The following PLEKHH2 variants were observed in gnomAD, a reference collection of about 807,000 sequenced individuals.
PLEKHH2 encodes the protein pleckstrin homology domain-containing family H member 2.
PLEKHH2 carries 129 observed loss-of-function variants against 187.9 expected under a neutral mutation model. That is an observed-to-expected ratio of 0.69 (90% CI 0.59 to 0.79). The LOEUF is 0.79. Among genes scored for constraint, PLEKHH2 ranks in the 30% least tolerant of loss-of-function variants. The pLI is 0.00. For synonymous variants in PLEKHH2, 686 were observed against 605.6 expected (o/e 1.13, Z -1.95); for missense variants, 2,076 against 1,751.2 (o/e 1.19, Z -3.31).
chr2:43,763,456 G>T (rs1378314959), intron 28 of PLEKHH2, among the ~76,000 whole-genome samples: 1 of 151,542 alleles, frequency 6.6e-6, no homozygotes, highest in African/African-American at 2.4e-5. Flanking sequence ...GTCTTATTCT[G>T]TCGCCCAGAC....
intron 26 of PLEKHH2, among the ~76,000 whole-genome samples, 172 bp downstream of exon 26, chr2:43,757,436 T>C (rs1277505081): frequency 6.6e-6 from 1 of 151,334 alleles, no homozygotes; most frequent in Admixed American, 6.6e-5. Flanking sequence ...TTTTTTTTTT[T>C]TGAGACGGAG....
chr2:43,659,493 T>C (rs1206496304), intron 2 of PLEKHH2, among the ~76,000 whole-genome samples: 1 of 152,150 alleles, frequency 6.6e-6, no homozygotes, highest in Non-Finnish European at 1.5e-5. Context: ...CAGACTAAAT[T>C]GGTCTTTTGA....
intron 28 of PLEKHH2, among the ~76,000 whole-genome samples, chr2:43,763,733 A>G (rs1327276455): frequency 6.6e-6 from 1 of 152,154 alleles, no homozygotes; most frequent in Non-Finnish European, 1.5e-5. Context: ...CACATTAGAA[A>G]AAAATATTTG....
chr2:43,697,795 A>T, intron 7 of PLEKHH2, among the ~76,000 whole-genome samples: 1 of 152,198 alleles, frequency 6.6e-6, no homozygotes, highest in East Asian at 1.9e-4. Flanking sequence ...GAAATTAAAC[A>T]TTGGCATAGC....
chr2:43,751,905 G>A (rs1440951496), intron 24 of PLEKHH2, among the ~76,000 whole-genome samples: 2 of 150,124 alleles, frequency 1.3e-5, no homozygotes, highest in Admixed American at 6.6e-5. Context: ...TTCATGTCCA[G>A]TATTGTTTCT....
intron 18 of PLEKHH2, 56 bp downstream of exon 18, chr2:43,729,801 C>A: frequency 1.6e-6 from 2 of 1,249,254 alleles, no homozygotes; most frequent in South Asian, 1.6e-5. Context: ...GACCTCAACC[C>A]GCTTAGCCTA....
At chr2:43,641,164 A>T (rs1665895780) in intron 1 of PLEKHH2, among the ~76,000 whole-genome samples, 1 of 152,010 alleles carries the variant, frequency 6.6e-6, no homozygotes, top group South Asian at 2.1e-4. Context: ...TATTCTAGAC[A>T]CAAATCCCTG....
intron 2 of PLEKHH2, among the ~76,000 whole-genome samples, chr2:43,660,739 G>A (rs1273213675): frequency 8.4e-6 from 1 of 118,654 alleles, no homozygotes; most frequent in African/African-American, 3.5e-5. Flanking sequence ...TTGTTCTTGC[G>A]ATAGTTTACT....
At chr2:43,686,056 C>G (rs191477067) in intron 3 of PLEKHH2, among the ~76,000 whole-genome samples, 2 of 152,322 alleles carry the variant, frequency 1.3e-5, no homozygotes, top group East Asian at 3.9e-4. Flanking sequence ...AAAGTTGCCT[C>G]TGACCATTCT....
At chr2:43,689,104 G>C (rs1386944590) in intron 3 of PLEKHH2, among the ~76,000 whole-genome samples, 2 of 152,230 alleles carry the variant, frequency 1.3e-5, no homozygotes, top group East Asian at 3.8e-4. Context: ...AGCCTTAACA[G>C]TCAAGATATT....
At chr2:43,750,467 C>T (rs7578351) in intron 24 of PLEKHH2, among the ~76,000 whole-genome samples, 28,450 of 148,074 alleles carry the variant, frequency 0.19, 2,973 homozygotes, top group Middle Eastern at 0.3. Flanking sequence ...GGTGACAGAG[C>T]GAGACTCTGT....
intron 3 of PLEKHH2, among the ~76,000 whole-genome samples, chr2:43,688,362 C>G (rs933863446): frequency 6.6e-6 from 1 of 152,202 alleles, no homozygotes; most frequent in Non-Finnish European, 1.5e-5. Context: ...ATACTCTAAA[C>G]AATTTCTTTT....
rs753076839 is a variant in PLEKHH2 at position 43,754,195 on chromosome 2, C to CAA, written c.3795+436_3795+437insAA. On this transcript the variant is annotated intron_variant, in intron 25 of 29. Coordinates refer to ENST00000282406, the MANE Select transcript of PLEKHH2 (RefSeq NM_172069.4). ...ACACACACACACACACACACACACA[C>CAA]ACACACACACAAAATTAATACTGAC... 5.5e-3 allele frequency among the ~76,000 whole-genome samples: 703 copies of CAA among 127,464 alleles called. 12 individuals carry two copies. The highest frequency in any genetic ancestry group is 0.026 in the African/African-American group (672 of 26,308). 83.6% of individuals were successfully genotyped at this position (127,464 alleles called of 152,430 possible).
chr2:43,734,578 G>T (rs552980500), intron 19 of PLEKHH2, among the ~76,000 whole-genome samples: 3 of 152,172 alleles, frequency 2.0e-5, no homozygotes, highest in Non-Finnish European at 2.9e-5. Flanking sequence ...TAAAATGGCT[G>T]TTATCGAAAA....
In PLEKHH2 at chr2:43,731,574, T is replaced by G; in HGVS notation, c.2915T>G (p.Leu972Arg). The G allele has an allele frequency of 6.3e-7, 1 of 1,588,148 alleles. No individual in the cohort carries two copies. Among genetic ancestry groups the G allele is most frequent in the African/African-American group, 1.3e-5 (1 of 74,318 alleles). Reference protein sequence around the residue: ...SPLTTLPSEALQTEAIKLFKT... With the variant: ...SPLTTLPSEARQTEAIKLFKT... ...CTGACAACTCTACCTTCCGAAGCCC[T>G]GCAGACAGAAGCTATTAAATTATTT... The change falls in exon 19 of 30, where the codon CTG becomes CGG. Residue 972 changes from leucine to arginine, a missense_variant. By Grantham distance (102) the Leu-to-Arg change is moderately radical. Transcript: ENST00000282406.
At chr2:43,756,316 G>A (rs1172132691) in intron 25 of PLEKHH2, among the ~76,000 whole-genome samples, 1 of 151,398 alleles carries the variant, frequency 6.6e-6, no homozygotes, top group Non-Finnish European at 1.5e-5. Context: ...TTTTTTTTGA[G>A]ATGGAGTCTT....
rs1246670547 is a variant in PLEKHH2, at chr2:43,644,725, G to A, written c.52G>A (p.Val18Ile). 3 of 1,609,126 alleles carry A rather than the reference G, an allele frequency of 1.9e-6. No homozygotes were observed. The highest frequency in any genetic ancestry group is 2.5e-6 in the Non-Finnish European group (3 of 1,176,506). Residue 18 changes from valine to isoleucine, a missense_variant, in exon 2 of 30, where the codon GTA becomes ATA. Coordinates refer to ENST00000282406, the MANE Select transcript of PLEKHH2 (RefSeq NM_172069.4). ...ACCAGTAGATTGGAAGGAACGATGT[G>A]TAGCTCTGGAGTCCCAACTCATGAA... ...EGPVDWKERC[V>I]ALESQLMKFR...
At position 43,675,449 on chromosome 2, in the gene PLEKHH2, G is replaced by A. The variant is rs781340498; in HGVS notation, c.124-3414G>A. On this transcript the variant is annotated intron_variant, in intron 2 of 29. Transcript: ENST00000282406. ...AAATAGTGTCCAAATGCCCTGAGCC[G>A]GTACAGGCCATACATCATTACTTCC... The A allele has an allele frequency of 3.1e-6, 5 of 1,613,172 alleles. No homozygotes were observed. Among genetic ancestry groups the A allele is most frequent in the East Asian group, 2.2e-5 (1 of 44,878 alleles).
In PLEKHH2 at chr2:43,765,737, T is replaced by C; in HGVS notation, c.*139T>C. 1.4e-6 allele frequency: 1 copy of C among 720,752 alleles called. No individual in the cohort carries two copies. Among genetic ancestry groups the C allele is most frequent in the Non-Finnish European group, 2.1e-6 (1 of 475,788 alleles). The allele number at this position is 720,752 out of a possible 1,614,324, so 44.6% of individuals were successfully genotyped here. ...TTAACAATGAAGGGGGTTAGTCTCT[T>C]TTATTTGATTCTTAAATATTCAAAT... On this transcript the variant is annotated 3_prime_UTR_variant, in exon 30 of 30. Coordinates refer to ENST00000282406, the MANE Select transcript of PLEKHH2 (RefSeq NM_172069.4).
Sources: gnomAD v4.1 joint callset for allele counts (sites outside exome capture counted in the v4.1 genomes callset) on GRCh38, gnomAD v4.1.1 for gene constraint, MANE v1.5 for transcripts, NCBI Gene and HGNC (gene_info 2026-07-23, HGNC 2026-07-21) for gene names.